The following RPAP2 variants were observed in gnomAD, a reference collection of about 807,000 sequenced individuals.
RPAP2 encodes putative RNA polymerase II subunit B1 CTD phosphatase RPAP2.
In RPAP2, 52 loss-of-function variants were observed where a neutral mutation model predicts 73.1. The ratio of observed to expected loss-of-function variants is 0.71; its 90% CI spans 0.57 to 0.90. The LOEUF is 0.90. Ranked by LOEUF, RPAP2 falls within the 40% of genes least tolerant of loss-of-function variation. RPAP2 has a pLI of 0.00. For missense variants in RPAP2, 598 were observed against 701.8 expected, an observed-to-expected ratio of 0.85 and a Z score of 1.67; for synonymous variants, 225 against 242.1, an observed-to-expected ratio of 0.93 and a Z score of 0.65.
rs770057932 is a variant in RPAP2, at chr1:92,324,391, A to G, written c.1455+16A>G. The G allele has an allele frequency of 2.2e-5, 34 of 1,574,440 alleles. No homozygotes were observed. The East Asian group carries it at 7.4e-4, about 34-fold the overall frequency. On this transcript the variant is annotated intron_variant, in intron 8 of 12. Coordinates refer to ENST00000610020, the MANE Select transcript of RPAP2 (RefSeq NM_024813.3). ...CTCAGAAGAGGTATGTCTTACAGAC[A>G]TTGAGTTTTTCCAGATCGTTAACAT... is the stretch of plus-strand genomic sequence containing the variant.
At chr1:92,339,039 C>A (rs1653448602) in intron 10 of RPAP2, among the ~76,000 whole-genome samples, 1 of 152,118 alleles carries the variant, frequency 6.6e-6, no homozygotes, top group Non-Finnish European at 1.5e-5. Flanking sequence ...CCTATGGTCT[C>A]CAACTACACA....
chr1:92,305,943 C>G (rs996095367), intron 5 of RPAP2, among the ~76,000 whole-genome samples: 2 of 151,870 alleles, frequency 1.3e-5, no homozygotes, highest in Non-Finnish European at 2.9e-5. Context: ...TGGTATAAAC[C>G]CTAAAAAAAT....
intron 12 of RPAP2, among the ~76,000 whole-genome samples, chr1:92,386,586 C>T (rs972119104): frequency 6.6e-6 from 1 of 152,164 alleles, no homozygotes; most frequent in African/African-American, 2.4e-5. Flanking sequence ...TCTACTCCAC[C>T]CAAACTGTTG....
rs929797707 is a variant in RPAP2 at position 92,388,951 on chromosome 1, CA to C, written c.*1941del. 2 of 152,344 alleles carry C rather than the reference CA, an allele frequency of 1.3e-5. No homozygotes were observed. The highest frequency in any genetic ancestry group is 6.5e-5 in the Admixed American group (1 of 15,288). 9.4% of individuals were successfully genotyped at this position (152,344 alleles called of 1,614,324 possible). A position where few individuals can be genotyped will look rare whatever the true frequency, so the allele number is the denominator to read the frequency against. Reference sequence around the variant, plus strand: ...CTACTGTCTCTGTAGATTCCACCTCCAGGGGCAGGGCATATCTGAACAAAAG... The same window carrying C: ...CTACTGTCTCTGTAGATTCCACCTCCGGGGCAGGGCATATCTGAACAAAAG... On this transcript the variant is annotated 3_prime_UTR_variant, in exon 13 of 13. Transcript: ENST00000610020.
chr1:92,322,984 T>C (rs1315032873), intron 7 of RPAP2, among the ~76,000 whole-genome samples: 2 of 146,786 alleles, frequency 1.4e-5, no homozygotes, highest in Non-Finnish European at 3.0e-5. Flanking sequence ...GTATATATTA[T>C]ATATGTAAAT....
At chr1:92,372,847 C>T (rs1334928621) in intron 11 of RPAP2, among the ~76,000 whole-genome samples, 4 of 152,106 alleles carry the variant, frequency 2.6e-5, no homozygotes, top group African/African-American at 7.2e-5. Flanking sequence ...CCCAGGAGTT[C>T]GAGGCTTCAG....
intron 5 of RPAP2, among the ~76,000 whole-genome samples, chr1:92,305,223 G>C (rs1408332945): frequency 6.6e-6 from 1 of 151,842 alleles, no homozygotes; most frequent in Non-Finnish European, 1.5e-5. Flanking sequence ...ACGAGGTCAG[G>C]AAATCGAGAC....
intron 12 of RPAP2, among the ~76,000 whole-genome samples, chr1:92,382,169 T>C (rs1383019113): frequency 4.6e-5 from 7 of 152,162 alleles, no homozygotes; most frequent in African/African-American, 1.7e-4. Flanking sequence ...CAGTCTATCA[T>C]TGTTGGACAT....
intron 2 of RPAP2, 38 bp from the exon 3 acceptor site, chr1:92,301,438 A>G: frequency 6.6e-6 from 7 of 1,065,146 alleles, no homozygotes; most frequent in Non-Finnish European, 7.1e-6. Context: ...TTGGACATGA[A>G]GCTTTTAAGT....
At chr1:92,320,850 TCCTC>T (rs1652212647) in intron 7 of RPAP2, among the ~76,000 whole-genome samples, 1 of 152,164 alleles carries the variant, frequency 6.6e-6, no homozygotes, top group South Asian at 2.1e-4. Flanking sequence ...GTACAGCTGT[TCCTC>T]CCGAGGAAAT....
At chr1:92,370,327 ACAC>A (rs1208730619) in intron 11 of RPAP2, among the ~76,000 whole-genome samples, 1 of 152,240 alleles carries the variant, frequency 6.6e-6, no homozygotes, top group Non-Finnish European at 1.5e-5. Context: ...ATAGGAAAGA[ACAC>A]CACTGCAAAC....
intron 12 of RPAP2, among the ~76,000 whole-genome samples, chr1:92,382,249 T>C (rs1462400353): frequency 6.6e-6 from 1 of 152,244 alleles, no homozygotes; most frequent in Non-Finnish European, 1.5e-5. Flanking sequence ...TGTGTCTTTA[T>C]AGCAGCATGA....
At chr1:92,303,470 CTG>C (rs768074154) in intron 3 of RPAP2, among the ~76,000 whole-genome samples, 25 of 152,290 alleles carry the variant, frequency 1.6e-4, no homozygotes, top group Admixed American at 2.6e-4. Context: ...CCTCACCACT[CTG>C]TACAGATTTT....
At chr1:92,323,050 T>TTATATATATACTTTATATATATATTTATA (rs1428336736) in intron 7 of RPAP2, among the ~76,000 whole-genome samples, 1 of 146,436 alleles carries the variant, frequency 6.8e-6, no homozygotes, top group Non-Finnish European at 1.5e-5. Flanking sequence ...ATCTTTATAT[T>TTATATATATACTTTATATATATATTTATA]TATATATATA....
intron 2 of RPAP2, 114 bp downstream of exon 2, chr1:92,300,353 AG>A: frequency 1.3e-6 from 1 of 792,494 alleles, no homozygotes; most frequent in Non-Finnish European, 2.1e-6. Flanking sequence ...TTATCATGAG[AG>A]GGAAGGGAAA....
rs1655953307 is a variant in RPAP2 at position 92,388,896 on chromosome 1, TG to T, written c.*1888del. The T allele has an allele frequency of 6.6e-6, 1 of 152,258 alleles. No individual in the cohort carries two copies. 9.4% of individuals were successfully genotyped at this position (152,258 alleles called of 1,614,324 possible). A position where few individuals can be genotyped will look rare whatever the true frequency, so the allele number is the denominator to read the frequency against. ...AACAAAGCAGCAGGGAAGCTCAAAC[TG>T]GGCAGAGCCCACCACAGCTCAGCAA... On this transcript the variant is annotated 3_prime_UTR_variant, in exon 13 of 13. Transcript: ENST00000610020.
chr1:92,377,352 C>T (rs34382820), intron 11 of RPAP2, among the ~76,000 whole-genome samples: 3 of 151,896 alleles, frequency 2.0e-5, no homozygotes, highest in Non-Finnish European at 4.4e-5. Context: ...AACCACTTCT[C>T]TACTAAAAAT....
intron 12 of RPAP2, among the ~76,000 whole-genome samples, chr1:92,386,739 C>T (rs1386705354): frequency 1.3e-5 from 2 of 151,972 alleles, no homozygotes; most frequent in African/African-American, 2.4e-5. Flanking sequence ...CTTGCTCTGT[C>T]ACCCAGGCTG....
At chr1:92,376,810 A>C (rs139795227) in intron 11 of RPAP2, among the ~76,000 whole-genome samples, 1,821 of 152,366 alleles carry the variant, frequency 0.012, 29 homozygotes, top group Non-Finnish European at 0.016. Context: ...ATATTAGCTA[A>C]GAGTTTGGGC....
Sources: allele counts gnomAD v4.1 joint callset (sites outside exome capture counted in the v4.1 genomes callset), GRCh38; gene constraint gnomAD v4.1.1; transcripts MANE v1.5; gene names NCBI Gene and HGNC (gene_info 2026-07-23, HGNC 2026-07-21).